Variants in DPCD observed in about 807,000 individuals in gnomAD.
The protein encoded by DPCD is deleted in primary ciliary dyskinesia homolog (mouse).
DPCD carries 20 observed loss-of-function variants against 26.4 expected under a neutral mutation model. That is an observed-to-expected ratio of 0.76 (90% CI 0.53 to 1.10). The LOEUF is 1.10. Among genes scored for constraint, DPCD ranks in the 50% least tolerant of loss-of-function variants. The pLI, the probability that DPCD is intolerant of heterozygous loss-of-function variation, is 0.00. For missense variants in DPCD, 202 were observed against 253.9 expected, an observed-to-expected ratio of 0.80 and a Z score of 1.39; for synonymous variants, 97 against 94.2, an observed-to-expected ratio of 1.03 and a Z score of -0.17.
intron 1 of DPCD, 72 bp from the exon 2 acceptor site, chr10:101,594,586 T>C: frequency 6.7e-7 from 1 of 1,489,034 alleles, no homozygotes; most frequent in Non-Finnish European, 9.4e-7. Context: ...GTTTCCCAGG[T>C]AGGCCCCTTG....
chr10:101,603,206 C>G lies in DPCD; in HGVS notation c.404+1870C>G, dbSNP rs2063710046. Among the ~76,000 whole-genome samples the G allele has an allele frequency of 6.6e-6, 1 of 152,210 alleles. No individual in the cohort carries two copies. The highest frequency in any genetic ancestry group is 1.5e-5 in the Non-Finnish European group (1 of 68,036). ...CAGCCTGGCTCATCCCTGCCCTCCTCAGGTCTCTCTGTTGGGAGGTAACCT... is the reference window on the plus strand; with the variant it reads ...CAGCCTGGCTCATCCCTGCCCTCCTGAGGTCTCTCTGTTGGGAGGTAACCT... On this transcript the variant is annotated intron_variant, in intron 4 of 5. Transcript: ENST00000370151. This position sits in a 1 kb window ranked among gnomAD's most constrained non-coding sequence, Gnocchi z 4.6.
At position 101,594,747 on chromosome 10, in the gene DPCD, CAG is replaced by C. The variant is rs988702022; in HGVS notation, c.145+12_145+13del. ...GACGAGTGAACTACTTGGTAAGTGA[CAG>C]AGGCTCCCAGTGGGCCTTTAGTAAT... On this transcript the variant is annotated intron_variant, in intron 2 of 5. Coordinates refer to ENST00000370151, the MANE Select transcript of DPCD (RefSeq NM_015448.3). 1.1e-5 allele frequency: 17 copies of C among 1,613,382 alleles called. No homozygotes were observed. The highest frequency in any genetic ancestry group is 1.3e-5 in the African/African-American group (1 of 74,886).
At chr10:101,596,343 C>T in intron 2 of DPCD, among the ~76,000 whole-genome samples, 1 of 152,162 alleles carries the variant, frequency 6.6e-6, no homozygotes, top group East Asian at 1.9e-4. Flanking sequence ...ACGTGAATTA[C>T]CTCATTTACT....
chr10:101,588,335 A>G lies in DPCD; in HGVS notation c.-2A>G. On this transcript the variant is annotated 5_prime_UTR_variant, in exon 1 of 6. Coordinates refer to ENST00000370151, the MANE Select transcript of DPCD (RefSeq NM_015448.3). Reference sequence around the variant, plus strand: ...CTGGGCGTGCTGCTTAGCAGGGGAAAGATGGCGGTGACGGGCTGGTTGGAG... The same window carrying G: ...CTGGGCGTGCTGCTTAGCAGGGGAAGGATGGCGGTGACGGGCTGGTTGGAG... The G allele has an allele frequency of 6.2e-7, 1 of 1,600,454 alleles. No homozygotes were observed. The highest frequency in any genetic ancestry group is 8.5e-7 in the Non-Finnish European group (1 of 1,172,054).
chr10:101,588,540 G>C (rs1351666257), intron 1 of DPCD, 140 bp downstream of exon 1: 1 of 1,471,030 alleles, frequency 6.8e-7, no homozygotes, highest in South Asian at 1.3e-5. Context: ...TGCAGATGAG[G>C]AGACTGAGGT....
At chr10:101,606,704 G>C (rs2063735405) in intron 4 of DPCD, among the ~76,000 whole-genome samples, 1 of 152,204 alleles carries the variant, frequency 6.6e-6, no homozygotes, top group Non-Finnish European at 1.5e-5. Flanking sequence ...ACCTACAGCT[G>C]CCTGAGGCTG....
chr10:101,595,028 G>A (rs1009782891), intron 2 of DPCD, among the ~76,000 whole-genome samples: 12 of 152,192 alleles, frequency 7.9e-5, no homozygotes, highest in Admixed American at 7.2e-4. Flanking sequence ...TACAGAGGAG[G>A]TGGTATTGGA....
rs763756592 is a variant in DPCD, at chr10:101,609,479, C to G, written c.*8C>G. 14 of 1,613,262 alleles carry G rather than the reference C, an allele frequency of 8.7e-6. No individual in the cohort carries two copies. The South Asian group carries it at 1.5e-4, about 18-fold the overall frequency. ...GACTGCAAGACCCAGTAGTTGGCCCCTGAGCCTTATACCTCCACCACAGGG... is the reference window on the plus strand; with the variant it reads ...GACTGCAAGACCCAGTAGTTGGCCCGTGAGCCTTATACCTCCACCACAGGG... On this transcript the variant is annotated 3_prime_UTR_variant, in exon 6 of 6. Coordinates refer to ENST00000370151, the MANE Select transcript of DPCD (RefSeq NM_015448.3).
chr10:101,608,801 C>T (rs1005370477), intron 4 of DPCD, 34 bp from the exon 5 acceptor site: 17 of 1,504,088 alleles, frequency 1.1e-5, no homozygotes, highest in African/African-American at 9.7e-5. Flanking sequence ...GTCACCTTGC[C>T]GAGTGCCCCA....
Position 101,608,950 on chromosome 10 carries a change from C to CA in DPCD, c.507+14dup, listed in dbSNP as rs1230186173. ...CCTGATCATCTCTGTAAGATTCACC[C>CA]AGACTTCTTGGACACTGCATCAGGG... On this transcript the variant is annotated intron_variant, in intron 5 of 5. Coordinates refer to ENST00000370151, the MANE Select transcript of DPCD (RefSeq NM_015448.3). 1 of 1,600,028 alleles carries CA rather than the reference C, an allele frequency of 6.2e-7. No homozygotes were observed. The highest frequency in any genetic ancestry group is 8.6e-7 in the Non-Finnish European group (1 of 1,168,070).
intron 4 of DPCD, among the ~76,000 whole-genome samples, chr10:101,602,282 A>C (rs1384163684): frequency 6.6e-6 from 1 of 152,228 alleles, no homozygotes; most frequent in African/African-American, 2.4e-5. Context: ...CTCCTTGTGC[A>C]TCTCCTCAGG....
chr10:101,605,988 C>G (rs2063730673), intron 4 of DPCD, among the ~76,000 whole-genome samples: 1 of 152,166 alleles, frequency 6.6e-6, no homozygotes, highest in African/African-American at 2.4e-5. Flanking sequence ...GTGTTTAGAA[C>G]CTGGCACAGA....
intron 2 of DPCD, chr10:101,596,500 G>C (rs1335883043): frequency 1.3e-5 from 2 of 152,176 alleles, no homozygotes; most frequent in Admixed American, 6.5e-5. Flanking sequence ...GTCCAATTAA[G>C]AGCCCATGCT....
intron 1 of DPCD, 50 bp downstream of exon 1, chr10:101,588,450 G>C: frequency 6.4e-7 from 1 of 1,551,950 alleles, no homozygotes; most frequent in South Asian, 1.2e-5. Context: ...CTCAGGGTCC[G>C]GCCCTCCGGG....
chr10:101,598,426 C>G (rs1168787276), intron 2 of DPCD, among the ~76,000 whole-genome samples: 1 of 151,854 alleles, frequency 6.6e-6, no homozygotes, highest in African/African-American at 2.4e-5. Context: ...ATTAATAATT[C>G]AAATTCTGGA....
chr10:101,607,536 G>GC (rs778783373), intron 4 of DPCD, among the ~76,000 whole-genome samples: 59 of 152,302 alleles, frequency 3.9e-4, no homozygotes, highest in Non-Finnish European at 3.7e-4. Context: ...GAGGAGAGGG[G>GC]CCCCGAGAGC....
rs1216284302 is a variant in DPCD at position 101,600,576 on chromosome 10, C to G, written c.146-162C>G. Among the ~76,000 whole-genome samples the G allele has an allele frequency of 6.6e-6, 1 of 152,124 alleles. No individual in the cohort carries two copies. The highest frequency in any genetic ancestry group is 1.5e-5 in the Non-Finnish European group (1 of 68,004). ...AATTTCAGAAGTTGTGAGGTCCCTC[C>G]TTAGATTAACAAAGCTGAGAGTAAA... On this transcript the variant is annotated intron_variant, in intron 2 of 5. Transcript: ENST00000370151. This position sits in a 1 kb window ranked among gnomAD's most constrained non-coding sequence, Gnocchi z 4.7.
Position 101,600,605 on chromosome 10 carries a change from C to A in DPCD, c.146-133C>A. 2 of 1,362,364 alleles carry A rather than the reference C, an allele frequency of 1.5e-6. No homozygotes were observed. The highest frequency in any genetic ancestry group is 2.0e-6 in the Non-Finnish European group (2 of 1,008,746). The allele number at this position is 1,362,364 out of a possible 1,614,324, so 84.4% of individuals were successfully genotyped here. A position where few individuals can be genotyped will look rare whatever the true frequency, so the allele number is the denominator to read the frequency against. ...GATTAACAAAGCTGAGAGTAAAGGC[C>A]CAACACTCCCACTTTCATCTTGTGC... On this transcript the variant is annotated intron_variant, in intron 2 of 5. Coordinates refer to ENST00000370151, the MANE Select transcript of DPCD (RefSeq NM_015448.3). This position sits in a 1 kb window ranked among gnomAD's most constrained non-coding sequence, Gnocchi z 4.7.
chr10:101,609,007 T>C (rs1238513468), intron 5 of DPCD, 70 bp downstream of exon 5: 1 of 1,302,592 alleles, frequency 7.7e-7, no homozygotes, highest in Non-Finnish European at 1.1e-6. Flanking sequence ...CCACTTCCCA[T>C]CCCATAAGAG....
Sources: gnomAD v4.1 joint callset for allele counts (sites outside exome capture counted in the v4.1 genomes callset) on GRCh38, gnomAD v4.1.1 for gene constraint, Gnocchi (gnomAD v3.1) non-coding constraint, MANE v1.5 for transcripts, NCBI Gene and HGNC (gene_info 2026-07-23, HGNC 2026-07-21) for gene names.